The following ADAM10 variants were observed in gnomAD, a reference collection of about 807,000 sequenced individuals.
ADAM10 encodes disintegrin and metalloproteinase domain-containing protein 10.
A neutral mutation model predicts 90.1 loss-of-function variants in ADAM10; 17 were observed. That is an observed-to-expected ratio of 0.19 (90% CI 0.13 to 0.28). ADAM10 has a LOEUF of 0.28. Among genes scored for constraint, ADAM10 ranks in the 10% least tolerant of loss-of-function variants. The probability of loss-of-function intolerance (pLI) is 1.00; values close to 1 mark genes in which losing one functional copy is unlikely to be tolerated. For missense variants in ADAM10, 610 were observed against 914.3 expected, an observed-to-expected ratio of 0.67 and a Z score of 4.29; for synonymous variants, 310 against 298.6, an observed-to-expected ratio of 1.04 and a Z score of -0.40.
chr15:58,597,526 G>C lies in ADAM10; in HGVS notation c.*21C>G. On this transcript the variant is annotated 3_prime_UTR_variant, in exon 16 of 16. Coordinates refer to ENST00000260408, the MANE Select transcript of ADAM10 (RefSeq NM_001110.4). ...GTTTTCCCATTGTAGGCACTAGGAAGAACCAAGGCAAAAGCTGCAGTTAGC... is the reference window on the plus strand; with the variant it reads ...GTTTTCCCATTGTAGGCACTAGGAACAACCAAGGCAAAAGCTGCAGTTAGC... 6.2e-7 allele frequency: 1 copy of C among 1,614,094 alleles called. No individual in the cohort carries two copies. Among genetic ancestry groups the C allele is most frequent in the Non-Finnish European group, 8.5e-7 (1 of 1,180,010 alleles).
At chr15:58,653,560 A>G (rs994873067) in intron 5 of ADAM10, among the ~76,000 whole-genome samples, 3 of 152,202 alleles carry the variant, frequency 2.0e-5, no homozygotes, top group Admixed American at 6.5e-5. Context: ...CCCTGGGATA[A>G]ATACCACTTA....
At chr15:58,695,417 A>C (rs1182963896) in intron 2 of ADAM10, among the ~76,000 whole-genome samples, 1 of 152,184 alleles carries the variant, frequency 6.6e-6, no homozygotes, top group African/African-American at 2.4e-5. Flanking sequence ...CATATATGTG[A>C]CTGTAAATAC....
intron 4 of ADAM10, among the ~76,000 whole-genome samples, chr15:58,667,851 C>T (rs1183776436): frequency 3.3e-5 from 5 of 151,666 alleles, no homozygotes; most frequent in African/African-American, 7.3e-5. Context: ...GATGGGAGGC[C>T]GTTTCTCCCG....
In ADAM10 at chr15:58,679,623, C is replaced by T. The variant is rs1897374196; in HGVS notation, c.326-341G>A. ...GTAGTCATCAATAATTGTAAATTGG[C>T]CCAGCACAGTGTGGTTCACACCTAT... is the stretch of plus-strand genomic sequence containing the variant. On this transcript the variant is annotated intron_variant, in intron 3 of 15. Transcript: ENST00000260408. Among the ~76,000 whole-genome samples the T allele has an allele frequency of 4.6e-5, 7 of 152,112 alleles. No homozygotes were observed. In the South Asian group the frequency reaches 1.2e-3, roughly 27 times the overall value.
intron 10 of ADAM10, 130 bp downstream of exon 10, chr15:58,627,569 AG>A: frequency 1.3e-6 from 1 of 752,776 alleles, no homozygotes; most frequent in East Asian, 2.7e-5. Flanking sequence ...AACGAGATAA[AG>A]GGAATACAGC....
At chr15:58,655,564 C>G (rs1896786947) in intron 5 of ADAM10, 1 of 150,530 alleles carries the variant, frequency 6.6e-6, no homozygotes. Flanking sequence ...GATTACAATT[C>G]AACAGAAGGT....
chr15:58,671,525 A>G (rs148229625), intron 4 of ADAM10, among the ~76,000 whole-genome samples: 47 of 152,310 alleles, frequency 3.1e-4, no homozygotes, highest in African/African-American at 1.1e-3. Flanking sequence ...ACATACACGC[A>G]CACATACTCC....
chr15:58,747,267 TTTAA>T (rs1260820802), intron 1 of ADAM10: 2 of 152,246 alleles, frequency 1.3e-5, no homozygotes, highest in South Asian at 2.1e-4. Context: ...TTCTAAACAC[TTTAA>T]TTATTCCTTC....
At chr15:58,653,226 T>A (rs2140708234) in intron 5 of ADAM10, among the ~76,000 whole-genome samples, 1 of 152,332 alleles carries the variant, frequency 6.6e-6, no homozygotes, top group East Asian at 1.9e-4. Flanking sequence ...CTTCTCTGAT[T>A]GCTCTAGCTA....
chr15:58,749,630 C>A lies in ADAM10; in HGVS notation c.-96G>T. 1 of 1,534,882 alleles carries A rather than the reference C, an allele frequency of 6.5e-7. No individual in the cohort carries two copies. On this transcript the variant is annotated 5_prime_UTR_variant, in exon 1 of 16. Coordinates refer to ENST00000260408, the MANE Select transcript of ADAM10 (RefSeq NM_001110.4). ...GCTGAAGGGGCTTGGTCCGGAGCCT[C>A]CACGGGAAGCCGGGACCTCCCCTGG...
Position 58,597,189 on chromosome 15 carries a change from T to A in ADAM10, c.*358A>T, listed in dbSNP as rs1253611638. ...TGGCAGTTGAAAAAAATATATTTATTTCAATTTGTGGTAAAAGTTTATTGA... is the reference window on the plus strand; with the variant it reads ...TGGCAGTTGAAAAAAATATATTTATATCAATTTGTGGTAAAAGTTTATTGA... On this transcript the variant is annotated 3_prime_UTR_variant, in exon 16 of 16. Coordinates refer to ENST00000260408, the MANE Select transcript of ADAM10 (RefSeq NM_001110.4). The A allele has an allele frequency of 1.7e-6, 1 of 590,748 alleles. No homozygotes were observed. The highest frequency in any genetic ancestry group is 2.9e-6 in the Non-Finnish European group (1 of 346,046). The allele number at this position is 590,748 out of a possible 1,614,324, so 36.6% of individuals were successfully genotyped here. A position where few individuals can be genotyped will look rare whatever the true frequency, so the allele number is the denominator to read the frequency against.
chr15:58,670,199 A>T lies in ADAM10; in HGVS notation c.485-5002T>A, dbSNP rs537694099. On this transcript the variant is annotated intron_variant, in intron 4 of 15. Transcript: ENST00000260408. ...GTAGACCCTGATTAAATCCTGTATT[A>T]AAAAAAAAAAAATAGGAGACATTTT... is the stretch of plus-strand genomic sequence containing the variant. 1.0e-4 allele frequency among the ~76,000 whole-genome samples: 14 copies of T among 135,520 alleles called. 1 individual carries two copies. The South Asian group carries it at 1.1e-3, about 11-fold the overall frequency. The allele number at this position is 135,520 out of a possible 152,430, so 88.9% of individuals were successfully genotyped here.
intron 10 of ADAM10, among the ~76,000 whole-genome samples, chr15:58,623,102 C>G (rs190003421): frequency 2.0e-5 from 3 of 152,298 alleles, no homozygotes; most frequent in Admixed American, 1.3e-4. Flanking sequence ...CATCTCAACA[C>G]AGGAAACCCA....
At chr15:58,627,990 C>T (rs762043122) in intron 9 of ADAM10, 107 bp from the exon 10 acceptor site, 1 of 1,126,014 alleles carries the variant, frequency 8.9e-7, no homozygotes. Context: ...AGCTTGTGGA[C>T]TCTCCTTTAA....
chr15:58,706,877 C>T (rs745476878), intron 2 of ADAM10, among the ~76,000 whole-genome samples: 4 of 151,722 alleles, frequency 2.6e-5, no homozygotes, highest in South Asian at 2.1e-4. Context: ...GGCATGGTGG[C>T]GTGCATATGT....
intron 1 of ADAM10, 118 bp from the exon 2 acceptor site, chr15:58,717,845 C>G: frequency 7.1e-7 from 1 of 1,405,134 alleles, no homozygotes; most frequent in Non-Finnish European, 9.6e-7. Flanking sequence ...AATCCCAGCA[C>G]TATTATGAAT....
chr15:58,716,644 T>A (rs2054096), intron 2 of ADAM10, among the ~76,000 whole-genome samples: 96,830 of 152,062 alleles, frequency 0.64, 31,399 homozygotes, highest in Middle Eastern at 0.72. Context: ...TAACAATCAT[T>A]AATTGAAGAC....
chr15:58,663,198 T>A (rs1191624539), intron 5 of ADAM10, among the ~76,000 whole-genome samples: 2 of 152,216 alleles, frequency 1.3e-5, no homozygotes, highest in Admixed American at 1.3e-4. Context: ...CCATCTAGAC[T>A]TTTTTGTTGT....
chr15:58,692,038 CG>C, intron 2 of ADAM10: 1 of 466,140 alleles, frequency 2.1e-6, no homozygotes. Flanking sequence ...GAGCATTTCC[CG>C]GGAGATGTTT....
Sources: allele counts gnomAD v4.1 joint callset (sites outside exome capture counted in the v4.1 genomes callset), GRCh38; gene constraint gnomAD v4.1.1; transcripts MANE v1.5; gene names NCBI Gene and HGNC (gene_info 2026-07-23, HGNC 2026-07-21).